Variants in DIP2C observed in about 807,000 individuals in gnomAD.
The protein encoded by DIP2C is disco-interacting protein 2 homolog C.
In DIP2C, 33 loss-of-function variants were observed where a neutral mutation model predicts 192.4. That is an observed-to-expected ratio of 0.17 (90% CI 0.13 to 0.23). DIP2C has a LOEUF of 0.23. DIP2C is among the 10% of genes least tolerant of loss of function. DIP2C has a pLI of 1.00. For synonymous variants in DIP2C, 979 were observed against 864.1 expected, an observed-to-expected ratio of 1.13 and a Z score of -2.33; for missense variants, 1,537 against 2,110.1, an observed-to-expected ratio of 0.73 and a Z score of 5.32.
chr10:607,814 T>C (rs1215548071), intron 1 of DIP2C, among the ~76,000 whole-genome samples: 1 of 152,018 alleles, frequency 6.6e-6, no homozygotes, highest in Admixed American at 6.5e-5. Flanking sequence ...ATCTTCAAAA[T>C]GTTAAACTAA....
intron 1 of DIP2C, among the ~76,000 whole-genome samples, chr10:593,372 C>T (rs1441995536): frequency 6.6e-6 from 1 of 152,096 alleles, no homozygotes; most frequent in Admixed American, 6.5e-5. Flanking sequence ...CCAACATCAC[C>T]TTAGTGATAA....
At position 499,965 on chromosome 10, in the gene DIP2C, A is replaced by G. The variant is rs375665742; in HGVS notation, c.86-13435T>C. On this transcript the variant is annotated intron_variant, in intron 1 of 36. Coordinates refer to ENST00000280886, the MANE Select transcript of DIP2C (RefSeq NM_014974.3). Reference sequence around the variant, plus strand: ...AGTAACCTGACCCTGCCACAATGGGACTGGGGAAGGGGCCCCAACCCTAAG... The same window carrying G: ...AGTAACCTGACCCTGCCACAATGGGGCTGGGGAAGGGGCCCCAACCCTAAG... Among the ~76,000 whole-genome samples, 156 of 152,312 alleles carry G rather than the reference A, an allele frequency of 1.0e-3. 1 individual carries two copies. Among genetic ancestry groups the G allele is most frequent in the African/African-American group, 3.5e-3 (147 of 41,582 alleles).
chr10:529,722 C>G (rs1297845653), intron 1 of DIP2C, among the ~76,000 whole-genome samples: 2 of 152,218 alleles, frequency 1.3e-5, no homozygotes, highest in East Asian at 1.9e-4. Context: ...ATTACATCAT[C>G]TAAGATTTTT....
intron 1 of DIP2C, among the ~76,000 whole-genome samples, chr10:658,931 G>C (rs1471576364): frequency 2.0e-5 from 3 of 152,044 alleles, no homozygotes; most frequent in Admixed American, 2.0e-4. Flanking sequence ...CAAATCAAAT[G>C]TGCATATGCA....
chr10:441,263 G>A, intron 3 of DIP2C: 1 of 383,052 alleles, frequency 2.6e-6, no homozygotes, highest in Non-Finnish European at 4.7e-6. Flanking sequence ...TGTCTTTTTA[G>A]GGTGAATGGA....
intron 10 of DIP2C, among the ~76,000 whole-genome samples, chr10:396,827 G>T (rs1001847429): frequency 1.7e-4 from 7 of 41,462 alleles, no homozygotes; most frequent in Middle Eastern, 0.01. Flanking sequence ...CAAATCCGGT[G>T]GGGGGGGGGG....
intron 1 of DIP2C, among the ~76,000 whole-genome samples, chr10:528,952 C>G (rs7912017): frequency 0.25 from 37,717 of 152,162 alleles, 6,389 homozygotes; most frequent in African/African-American, 0.48. Context: ...GAGAACACTA[C>G]CAGCAGCTTC....
intron 1 of DIP2C, among the ~76,000 whole-genome samples, chr10:510,284 CAGACTTCA>C (rs1312893559): frequency 6.6e-6 from 1 of 152,180 alleles, no homozygotes; most frequent in Non-Finnish European, 1.5e-5. Context: ...ATGATAAAAC[CAGACTTCA>C]ACACACCTTG....
At chr10:577,317 G>A (rs532902097) in intron 1 of DIP2C, among the ~76,000 whole-genome samples, 89 of 152,146 alleles carry the variant, frequency 5.8e-4, no homozygotes, top group Non-Finnish European at 1.1e-3. Flanking sequence ...AAATTTAGAG[G>A]AAGAAGAAGT....
intron 1 of DIP2C, among the ~76,000 whole-genome samples, chr10:645,187 C>T (rs554548823): frequency 7.9e-5 from 12 of 152,206 alleles, no homozygotes; most frequent in Non-Finnish European, 1.6e-4. Flanking sequence ...ACATGGCATC[C>T]GTGGGGTCTT....
intron 4 of DIP2C, among the ~76,000 whole-genome samples, chr10:434,372 T>A (rs1967003987): frequency 6.6e-6 from 1 of 152,184 alleles, no homozygotes; most frequent in Admixed American, 6.5e-5. Flanking sequence ...TTGAAAAGGA[T>A]CCTGGGCTCA....
At chr10:324,184 G>C (rs1564555797) in intron 31 of DIP2C, among the ~76,000 whole-genome samples, 2 of 152,160 alleles carry the variant, frequency 1.3e-5, no homozygotes, top group African/African-American at 4.8e-5. Context: ...CATGCCTACC[G>C]TCCAACTCAC....
intron 3 of DIP2C, 121 bp from the exon 4 acceptor site, chr10:441,117 T>TG (rs1264899575): frequency 8.5e-7 from 1 of 1,181,560 alleles, no homozygotes; most frequent in Non-Finnish European, 1.1e-6. Context: ...AACAGATGGG[T>TG]GGGCGAGGAA....
At chr10:572,499 A>C (rs545684577) in intron 1 of DIP2C, among the ~76,000 whole-genome samples, 9 of 152,322 alleles carry the variant, frequency 5.9e-5, no homozygotes, top group African/African-American at 1.9e-4. Context: ...CCCCTCCAAA[A>C]ACAAAAGAGT....
At chr10:615,285 ACAGAAGG>A (rs1487487461) in intron 1 of DIP2C, among the ~76,000 whole-genome samples, 1 of 152,130 alleles carries the variant, frequency 6.6e-6, no homozygotes, top group African/African-American at 2.4e-5. Context: ...TAGACAGAAG[ACAGAAGG>A]TGGCTGATGT....
chr10:413,561 TTCCTA>T (rs1309838678), intron 8 of DIP2C, among the ~76,000 whole-genome samples: 1 of 152,230 alleles, frequency 6.6e-6, no homozygotes, highest in Non-Finnish European at 1.5e-5. Context: ...TCAAATAGTT[TTCCTA>T]AAGAGTTTCT....
chr10:422,723 T>C lies in DIP2C; in HGVS notation c.604+101A>G, dbSNP rs984536990. On this transcript the variant is annotated intron_variant, in intron 5 of 36. Transcript: ENST00000280886. ...CAGGGGCCAGAGGAGCTCTGTGCTCTTTCCACCGAGGGATTCCGCTGCAAC... is the reference window on the plus strand; with the variant it reads ...CAGGGGCCAGAGGAGCTCTGTGCTCCTTCCACCGAGGGATTCCGCTGCAAC... 7 of 1,411,870 alleles carry C rather than the reference T, an allele frequency of 5.0e-6. No individual in the cohort carries two copies. In the African/African-American group the frequency reaches 8.5e-5, roughly 17 times the overall value. The allele number at this position is 1,411,870 out of a possible 1,614,324, so 87.5% of individuals were successfully genotyped here.
intron 4 of DIP2C, among the ~76,000 whole-genome samples, chr10:425,951 G>T (rs1044048831): frequency 3.3e-5 from 5 of 152,182 alleles, no homozygotes; most frequent in African/African-American, 9.6e-5. Context: ...CTAAGATGGA[G>T]AACAAGACAA....
At chr10:348,783 C>T (rs775516166) in intron 25 of DIP2C, 21 bp from the exon 26 acceptor site, 2 of 1,611,660 alleles carry the variant, frequency 1.2e-6, no homozygotes, top group East Asian at 4.5e-5. Context: ...AGAGAAACAT[C>T]ATCATTGAAG....
Sources: gnomAD v4.1 joint callset for allele counts (sites outside exome capture counted in the v4.1 genomes callset) on GRCh38, gnomAD v4.1.1 for gene constraint, MANE v1.5 for transcripts, NCBI Gene and HGNC (gene_info 2026-07-23, HGNC 2026-07-21) for gene names.